The following CDH18 variants were observed in gnomAD, a reference collection of about 807,000 sequenced individuals.
CDH18 encodes cadherin-18.
CDH18 carries 31 observed loss-of-function variants against 67.9 expected under a neutral mutation model. That is an observed-to-expected ratio of 0.46 (90% CI 0.34 to 0.62). The LOEUF (loss-of-function observed/expected upper bound fraction) is 0.62. Ranked by LOEUF, CDH18 falls within the 20% of genes least tolerant of loss-of-function variation. The pLI, the probability that CDH18 is intolerant of heterozygous loss-of-function variation, is 0.01. For synonymous variants in CDH18, 362 were observed against 347.2 expected, an observed-to-expected ratio of 1.04 and a Z score of -0.48; for missense variants, 890 against 975.5, an observed-to-expected ratio of 0.91 and a Z score of 1.17.
intron 1 of CDH18, among the ~76,000 whole-genome samples, chr5:20,336,083 G>A (rs186728806): frequency 2.2e-4 from 33 of 152,188 alleles, no homozygotes; most frequent in East Asian, 3.9e-4. Context: ...GTTTCTTCTC[G>A]CCTAGAGGCC....
intron 2 of CDH18, among the ~76,000 whole-genome samples, chr5:19,889,545 A>C (rs183692628): frequency 6.6e-6 from 1 of 152,160 alleles, no homozygotes; most frequent in Non-Finnish European, 1.5e-5. Context: ...TGATCTCAAT[A>C]AACCATTACT....
intron 6 of CDH18, among the ~76,000 whole-genome samples, chr5:19,598,844 T>C (rs1461633126): frequency 6.6e-6 from 1 of 152,124 alleles, no homozygotes; most frequent in Non-Finnish European, 1.5e-5. Context: ...ACAGTAATGG[T>C]AATATAACTT....
At chr5:20,161,222 T>G (rs1250622534) in intron 2 of CDH18, among the ~76,000 whole-genome samples, 1 of 152,228 alleles carries the variant, frequency 6.6e-6, no homozygotes, top group Non-Finnish European at 1.5e-5. Context: ...GTCATCTACA[T>G]GGTGGCATTC....
At chr5:20,223,687 T>C (rs1741399154) in intron 2 of CDH18, among the ~76,000 whole-genome samples, 1 of 152,218 alleles carries the variant, frequency 6.6e-6, no homozygotes, top group Middle Eastern at 3.4e-3. Context: ...GGGGTGAGTC[T>C]TTCCTGTGCT....
chr5:19,628,262 C>T (rs1164282683), intron 5 of CDH18, among the ~76,000 whole-genome samples: 1 of 152,174 alleles, frequency 6.6e-6, no homozygotes. Flanking sequence ...GGGGGCTCCT[C>T]AGCCACGTGA....
At chr5:19,947,424 A>G (rs1795370855) in intron 2 of CDH18, among the ~76,000 whole-genome samples, 1 of 151,814 alleles carries the variant, frequency 6.6e-6, no homozygotes, top group African/African-American at 2.4e-5. Flanking sequence ...TCCATAATAG[A>G]AAAAAAGAAT....
chr5:19,701,329 T>C (rs1482417844), intron 5 of CDH18, among the ~76,000 whole-genome samples: 2 of 152,116 alleles, frequency 1.3e-5, no homozygotes, highest in African/African-American at 4.8e-5. Context: ...GCAAAGAAGA[T>C]TCATATTTCT....
intron 3 of CDH18, among the ~76,000 whole-genome samples, chr5:19,808,309 C>A (rs1409844302): frequency 4.9e-5 from 7 of 142,266 alleles, no homozygotes; most frequent in Admixed American, 1.4e-4. Context: ...TAAAACAAAA[C>A]AACAACAACA....
chr5:20,293,874 T>C (rs568964836), intron 1 of CDH18, among the ~76,000 whole-genome samples: 7 of 152,254 alleles, frequency 4.6e-5, no homozygotes, highest in African/African-American at 1.7e-4. Context: ...GTAAACAGGA[T>C]AGAGGTGTAA....
chr5:20,085,490 T>G (rs1422668721), intron 2 of CDH18, among the ~76,000 whole-genome samples: 1 of 152,186 alleles, frequency 6.6e-6, no homozygotes, highest in Non-Finnish European at 1.5e-5. Context: ...CAAAGTCACT[T>G]CCACATTTTT....
chr5:19,834,966 T>C (rs1489100996), intron 3 of CDH18, among the ~76,000 whole-genome samples: 1 of 152,160 alleles, frequency 6.6e-6, no homozygotes, highest in African/African-American at 2.4e-5. Context: ...AGTGTGGGAA[T>C]TCCTCAAGGA....
chr5:19,571,939 TGA>T, intron 7 of CDH18, 107 bp from the exon 8 acceptor site: 1 of 842,538 alleles, frequency 1.2e-6, no homozygotes, highest in Non-Finnish European at 1.8e-6. Context: ...ATAAAATAAT[TGA>T]GAGAGAGATA....
chr5:20,233,022 G>T (rs1340244117), intron 2 of CDH18, among the ~76,000 whole-genome samples: 1 of 151,752 alleles, frequency 6.6e-6, no homozygotes. Context: ...GATTAATCCA[G>T]ATGATGTTAA....
At chr5:19,664,831 T>C (rs1309742274) in intron 5 of CDH18, among the ~76,000 whole-genome samples, 2 of 151,992 alleles carry the variant, frequency 1.3e-5, no homozygotes, top group African/African-American at 4.8e-5. Context: ...AACTAAGGCA[T>C]AAAGAATCTC....
chr5:20,550,923 C>T (rs1447859802), intron 1 of CDH18, among the ~76,000 whole-genome samples: 2 of 152,078 alleles, frequency 1.3e-5, no homozygotes, highest in Admixed American at 6.6e-5. Context: ...AGGGAGGGAG[C>T]TAGAGAAAGA....
At chr5:20,374,477 G>A (rs2150089488) in intron 1 of CDH18, among the ~76,000 whole-genome samples, 1 of 152,128 alleles carries the variant, frequency 6.6e-6, no homozygotes, top group Non-Finnish European at 1.5e-5. Flanking sequence ...GACATCTTGG[G>A]GTTTGAATTT....
intron 1 of CDH18, among the ~76,000 whole-genome samples, chr5:20,536,080 T>A (rs1756697848): frequency 1.3e-5 from 2 of 152,192 alleles, no homozygotes; most frequent in South Asian, 4.1e-4. Flanking sequence ...TTTTTTAAAA[T>A]AGCTTGCATA....
intron 1 of CDH18, among the ~76,000 whole-genome samples, chr5:20,449,028 C>A (rs1035370289): frequency 6.6e-6 from 1 of 151,596 alleles, no homozygotes; most frequent in African/African-American, 2.4e-5. Context: ...AGAAAGAAAT[C>A]ATGAGGATGT....
intron 4 of CDH18, among the ~76,000 whole-genome samples, chr5:19,740,390 A>T (rs976165087): frequency 6.6e-6 from 1 of 152,176 alleles, no homozygotes; most frequent in Admixed American, 6.5e-5. Context: ...ATTTAAAAAA[A>T]AATGACTGCA....
Sources: allele counts gnomAD v4.1 joint callset (sites outside exome capture counted in the v4.1 genomes callset), GRCh38; gene constraint gnomAD v4.1.1; transcripts MANE v1.5; gene names NCBI Gene and HGNC (gene_info 2026-07-23, HGNC 2026-07-21).